Variants in OTOGL observed in about 807,000 individuals in gnomAD.
The protein encoded by OTOGL is otogelin like.
A neutral mutation model predicts 318.5 loss-of-function variants in OTOGL; 285 were observed. The observed-to-expected ratio is 0.89, with a 90% CI of 0.81 to 0.99. The LOEUF (loss-of-function observed/expected upper bound fraction) is 0.99, where lower values mean the gene tolerates loss of function less well. Among genes scored for constraint, OTOGL ranks in the 50% least tolerant of loss-of-function variants. OTOGL has a pLI of 0.00. For missense variants in OTOGL, 2,899 were observed against 2,845.6 expected, an observed-to-expected ratio of 1.02 and a Z score of -0.43; for synonymous variants, 987 against 936.5, an observed-to-expected ratio of 1.05 and a Z score of -0.99.
chr12:80,144,754 A>G (rs949429968), intron 1 of OTOGL, among the ~76,000 whole-genome samples: 19 of 152,080 alleles, frequency 1.2e-4, no homozygotes, highest in Middle Eastern at 3.2e-3. Flanking sequence ...CATTCTAACT[A>G]GTGTGAGATG....
At chr12:80,342,676 A>G (rs1888858204) in intron 44 of OTOGL, among the ~76,000 whole-genome samples, 1 of 152,226 alleles carries the variant, frequency 6.6e-6, no homozygotes, top group Admixed American at 6.5e-5. Flanking sequence ...ACAGTATTTC[A>G]TGATCACTTA....
intron 1 of OTOGL, among the ~76,000 whole-genome samples, chr12:80,205,395 T>G (rs1876744252): frequency 6.6e-6 from 1 of 152,170 alleles, no homozygotes. Flanking sequence ...ACATAACACA[T>G]TAACTTCTGG....
At chr12:80,161,260 A>G (rs910270518) in intron 1 of OTOGL, among the ~76,000 whole-genome samples, 1 of 152,114 alleles carries the variant, frequency 6.6e-6, no homozygotes, top group African/African-American at 2.4e-5. Flanking sequence ...AGAGAAAGGT[A>G]TAAATAAAAA....
intron 27 of OTOGL, 89 bp downstream of exon 27, chr12:80,297,050 T>A (rs542138067): frequency 1.4e-5 from 17 of 1,209,662 alleles, no homozygotes; most frequent in Non-Finnish European, 1.6e-5. Context: ...CTCCTCTCTG[T>A]AAATGGTCAT....
At position 80,252,187 on chromosome 12, in the gene OTOGL, G is replaced by A; in HGVS notation, c.1271G>A (p.Cys424Tyr). Residue 424 changes from cysteine to tyrosine, a missense_variant, in exon 13 of 59, where the codon TGT (cysteine) becomes TAT (tyrosine). Physicochemically the swap from Cys to Tyr is radical, Grantham distance 194 (BLOSUM62 -2). Coordinates refer to ENST00000547103, the MANE Select transcript of OTOGL (RefSeq NM_001378609.3). ...AGCAATCTCCATTGTCTTGATGGAT[G>A]TTACTGCCCAGATGGTAAGTGCTTC... Reference protein sequence around the residue: ...LGSNLHCLDGCYCPDGLVMDN... With the variant: ...LGSNLHCLDGYYCPDGLVMDN... The A allele has an allele frequency of 1.3e-6, 2 of 1,598,542 alleles. No homozygotes were observed. Among genetic ancestry groups the A allele is most frequent in the Non-Finnish European group, 1.7e-6 (2 of 1,171,632 alleles).
intron 1 of OTOGL, among the ~76,000 whole-genome samples, chr12:80,194,455 C>T (rs985114504): frequency 3.3e-5 from 5 of 152,148 alleles, no homozygotes; most frequent in Non-Finnish European, 7.3e-5. Flanking sequence ...CCAACAGAAT[C>T]ACCATAAGTC....
In OTOGL at chr12:80,247,583, A is replaced by G. The variant is rs1453251195; in HGVS notation, c.1053-4110A>G. 6.6e-5 allele frequency among the ~76,000 whole-genome samples: 7 copies of G among 105,574 alleles called. No individual in the cohort carries two copies. The East Asian group carries it at 1.7e-3, about 25-fold the overall frequency. The allele number at this position is 105,574 out of a possible 152,430, so 69.3% of individuals were successfully genotyped here. A position where few individuals can be genotyped will look rare whatever the true frequency, so the allele number is the denominator to read the frequency against. On this transcript the variant is annotated intron_variant, in intron 11 of 58. Transcript: ENST00000547103. ...TTTGCTGAGGAGTGCTTTACTTCCA[A>G]CTATGTGGTCAATTTTGGAATAGGT...
chr12:80,107,724 A>G (rs1463700597), intron 1 of OTOGL, among the ~76,000 whole-genome samples: 3 of 152,184 alleles, frequency 2.0e-5, no homozygotes, highest in African/African-American at 7.2e-5. Flanking sequence ...GGTAGACTAG[A>G]TAAAGAAAAT....
At chr12:80,127,196 T>C (rs1412260368) in intron 1 of OTOGL, among the ~76,000 whole-genome samples, 7 of 152,216 alleles carry the variant, frequency 4.6e-5, no homozygotes, top group Non-Finnish European at 1.5e-5. Flanking sequence ...TTCCTTTCCA[T>C]GTTTAGTGCT....
At chr12:80,256,238 T>G in intron 16 of OTOGL, 99 bp from the exon 17 acceptor site, 3 of 1,328,730 alleles carry the variant, frequency 2.3e-6, no homozygotes, top group Non-Finnish European at 3.0e-6. Context: ...TCCTCTCTCT[T>G]TCTCCCCTTC....
At chr12:80,191,777 C>T (rs11114350) in intron 1 of OTOGL, among the ~76,000 whole-genome samples, 89 of 152,326 alleles carry the variant, frequency 5.8e-4, no homozygotes, top group African/African-American at 2.1e-3. Flanking sequence ...CTGGGCTCAG[C>T]TTTGCTGCTC....
chr12:80,272,598 A>G (rs1284135515), intron 24 of OTOGL, among the ~76,000 whole-genome samples: 2 of 151,996 alleles, frequency 1.3e-5, no homozygotes, highest in African/African-American at 2.4e-5. Flanking sequence ...AGGGAGTGCC[A>G]TCTAAGGCAA....
At chr12:80,209,310 A>G in intron 1 of OTOGL, 103 bp from the exon 2 acceptor site, 2 of 569,520 alleles carry the variant, frequency 3.5e-6, no homozygotes, top group East Asian at 3.2e-5. Context: ...TTTTTGAATT[A>G]CTTTATTACA....
chr12:80,255,115 A>G lies in OTOGL; in HGVS notation c.1517A>G (p.Gln506Arg), dbSNP rs1179745493. The change falls in exon 16 of 59, where the codon CAA becomes CGA. Residue 506 changes from glutamine to arginine, a missense_variant. Physicochemically the swap from Gln to Arg is conservative, Grantham distance 43 (BLOSUM62 1). Around this residue, in one of 3 missense-constraint regions of OTOGL, gnomAD observed 2,607 missense variants for 2,524.9 expected, o/e 1.03. Coordinates refer to ENST00000547103, the MANE Select transcript of OTOGL (RefSeq NM_001378609.3). Reference protein sequence around the residue: ...GRHYSFIGMCQYILVKGTGKD... With the variant: ...GRHYSFIGMCRYILVKGTGKD... ...CATTATTCTTTTATTGGCATGTGCCAATACATCCTCGTGAAAGGAACTGGA... is the reference window on the plus strand; with the variant it reads ...CATTATTCTTTTATTGGCATGTGCCGATACATCCTCGTGAAAGGAACTGGA... 1 of 1,529,382 alleles carries G rather than the reference A, an allele frequency of 6.5e-7. No individual in the cohort carries two copies. The highest frequency in any genetic ancestry group is 8.8e-7 in the Non-Finnish European group (1 of 1,139,858). 94.7% of individuals were successfully genotyped at this position (1,529,382 alleles called of 1,614,324 possible).
At chr12:80,201,696 C>T (rs961225982) in intron 1 of OTOGL, among the ~76,000 whole-genome samples, 7 of 152,104 alleles carry the variant, frequency 4.6e-5, no homozygotes, top group African/African-American at 1.7e-4. Context: ...TGAAAGAGAA[C>T]CATCCAAAAC....
intron 18 of OTOGL, among the ~76,000 whole-genome samples, chr12:80,258,941 TG>T (rs1007328614): frequency 1.4e-4 from 21 of 152,020 alleles, no homozygotes; most frequent in African/African-American, 5.1e-4. Flanking sequence ...ACTTGAAAAT[TG>T]CTAAGAGAGT....
At chr12:80,164,828 T>C (rs11114339) in intron 1 of OTOGL, among the ~76,000 whole-genome samples, 35,337 of 151,770 alleles carry the variant, frequency 0.23, 5,693 homozygotes, top group African/African-American at 0.47. Flanking sequence ...ACCTGATGCT[T>C]GGTAATTTAT....
At chr12:80,220,612 CT>C (rs34021968) in intron 6 of OTOGL, among the ~76,000 whole-genome samples, 52,516 of 118,838 alleles carry the variant, frequency 0.44, 12,916 homozygotes, top group Admixed American at 0.56. Context: ...AGGGCAAGGG[CT>C]TTTTTTTTTT....
At chr12:80,187,527 A>G (rs867618496) in intron 1 of OTOGL, among the ~76,000 whole-genome samples, 1 of 152,202 alleles carries the variant, frequency 6.6e-6, no homozygotes, top group Non-Finnish European at 1.5e-5. Flanking sequence ...TTACAATATG[A>G]ATATTCTGGG....
Sources: allele counts gnomAD v4.1 joint callset (sites outside exome capture counted in the v4.1 genomes callset), GRCh38; gene constraint gnomAD v4.1.1; regional missense constraint gnomAD v4.1.1; transcripts MANE v1.5; gene names NCBI Gene and HGNC (gene_info 2026-07-23, HGNC 2026-07-21).